The following DNER variants were observed in gnomAD, a reference collection of about 807,000 sequenced individuals.
DNER encodes the protein delta/notch like EGF repeat containing, also known as delta and Notch-like epidermal growth factor-related receptor.
Under a neutral mutation model 78.2 loss-of-function variants are expected in DNER, and 33 were observed. The observed-to-expected ratio is 0.42, with a 90% CI of 0.32 to 0.56. The LOEUF is 0.56. Among genes scored for constraint, DNER ranks in the 20% least tolerant of loss-of-function variants. The pLI is 0.11. For missense variants in DNER, 918 were observed against 975.3 expected (o/e 0.94, Z 0.78); for synonymous variants, 417 against 384.8 (o/e 1.08, Z -0.98).
chr2:229,630,487 A>G (rs1387792218), intron 1 of DNER, among the ~76,000 whole-genome samples: 3 of 136,230 alleles, frequency 2.2e-5, no homozygotes, highest in Non-Finnish European at 4.8e-5. Context: ...CAAAATAATA[A>G]TAATAATAAT....
At chr2:229,451,195 A>G (rs1238151079) in intron 7 of DNER, among the ~76,000 whole-genome samples, 2 of 152,262 alleles carry the variant, frequency 1.3e-5, no homozygotes. Context: ...GTGATGGCTC[A>G]TGCCTATAAT....
At chr2:229,462,125 C>T (rs566813605) in intron 7 of DNER, among the ~76,000 whole-genome samples, 2 of 152,038 alleles carry the variant, frequency 1.3e-5, no homozygotes, top group Non-Finnish European at 2.9e-5. Context: ...AACATTACTG[C>T]TGAATTATTT....
At chr2:229,631,876 T>C (rs1034028252) in intron 1 of DNER, among the ~76,000 whole-genome samples, 5 of 152,210 alleles carry the variant, frequency 3.3e-5, no homozygotes, top group African/African-American at 7.2e-5. Context: ...AGGGTTGTCT[T>C]AAGAATTAAA....
At chr2:229,581,246 C>T (rs576361757) in intron 4 of DNER, among the ~76,000 whole-genome samples, 5 of 152,196 alleles carry the variant, frequency 3.3e-5, no homozygotes, top group South Asian at 2.1e-4. Flanking sequence ...TTTAAAGATA[C>T]ATATATATCC....
At chr2:229,700,631 G>A (rs547258850) in intron 1 of DNER, among the ~76,000 whole-genome samples, 1 of 152,094 alleles carries the variant, frequency 6.6e-6, no homozygotes, top group South Asian at 2.1e-4. Context: ...TTAAGATATG[G>A]TGGCCAGGCA....
chr2:229,681,858 A>ACACG (rs1288548530), intron 1 of DNER, among the ~76,000 whole-genome samples: 1 of 151,664 alleles, frequency 6.6e-6, no homozygotes, highest in African/African-American at 2.4e-5. Flanking sequence ...ACACACACAC[A>ACACG]CACACACAAA....
chr2:229,455,964 C>G (rs138761693), intron 7 of DNER, among the ~76,000 whole-genome samples: 138 of 152,206 alleles, frequency 9.1e-4, no homozygotes, highest in Admixed American at 1.4e-3. Context: ...GATTCAGGTC[C>G]AAGCTCCTAA....
intron 1 of DNER, among the ~76,000 whole-genome samples, chr2:229,699,114 T>C (rs1052557080): frequency 6.6e-6 from 1 of 152,180 alleles, no homozygotes. Flanking sequence ...TCAAAAACTT[T>C]TAAGAAATAC....
At chr2:229,578,897 C>T (rs189040757) in intron 4 of DNER, among the ~76,000 whole-genome samples, 2 of 151,992 alleles carry the variant, frequency 1.3e-5, no homozygotes, top group Admixed American at 6.5e-5. Flanking sequence ...CCCTCTTTTT[C>T]GTTTGAAAGA....
Position 229,361,429 on chromosome 2 carries a change from A to G in DNER, c.2103-2778T>C, listed in dbSNP as rs140895896. 5.0e-4 allele frequency among the ~76,000 whole-genome samples: 76 copies of G among 152,356 alleles called. No homozygotes were observed. The East Asian group carries it at 0.014, about 28-fold the overall frequency. On this transcript the variant is annotated intron_variant, in intron 12 of 12. Transcript: ENST00000341772. ...TTAGCAAACTATAGTCCACAGGCCAATTCCAGCCTGATGCCTGTTTTTCAA... is the reference window on the plus strand; with the variant it reads ...TTAGCAAACTATAGTCCACAGGCCAGTTCCAGCCTGATGCCTGTTTTTCAA...
In DNER at chr2:229,454,806, T is replaced by C. The variant is rs188130767; in HGVS notation, c.1262-7266A>G. On this transcript the variant is annotated intron_variant, in intron 7 of 12. Transcript: ENST00000341772. ...GAGAATGGAACTAATACTTAATATT[T>C]TCAGAGTCTGCTAGCATATCTCAGT... 2.0e-4 allele frequency among the ~76,000 whole-genome samples: 31 copies of C among 152,270 alleles called. 1 individual carries two copies. In the East Asian group the frequency reaches 6.0e-3, roughly 29 times the overall value.
At chr2:229,694,642 T>G (rs1214417056) in intron 1 of DNER, among the ~76,000 whole-genome samples, 1 of 152,232 alleles carries the variant, frequency 6.6e-6, no homozygotes, top group Non-Finnish European at 1.5e-5. Flanking sequence ...ATTTTAGACT[T>G]GGATGGGACT....
chr2:229,497,996 G>GTCAATTA (rs57517611), intron 6 of DNER, among the ~76,000 whole-genome samples: 11 of 150,996 alleles, frequency 7.3e-5, no homozygotes, highest in Admixed American at 7.2e-4. Context: ...AAAACTACAG[G>GTCAATTA]TCCCTGATGA....
chr2:229,477,158 T>A lies in DNER; in HGVS notation c.1243A>T (p.Thr415Ser), dbSNP rs200817648. Residue 415 changes from threonine to serine, a missense_variant, in exon 7 of 13, where the codon ACC becomes TCC. Transcript: ENST00000341772. Reference sequence around the variant, plus strand: ...TAATTACCTTCTGGACACTGGCAGGTGAATCCACTGAGACTGGAAATGCAT... The same window carrying A: ...TAATTACCTTCTGGACACTGGCAGGAGAATCCACTGAGACTGGAAATGCAT... ...ATCISSLSGF[T>S]CQCPEGYFGS... 1 of 1,612,354 alleles carries A rather than the reference T, an allele frequency of 6.2e-7. No homozygotes were observed. Among genetic ancestry groups the A allele is most frequent in the African/African-American group, 1.3e-5 (1 of 74,882 alleles).
chr2:229,530,509 G>T (rs1696282466), intron 5 of DNER, among the ~76,000 whole-genome samples: 1 of 152,216 alleles, frequency 6.6e-6, no homozygotes. Context: ...CAAATTTTCT[G>T]CCCAGAAATT....
intron 1 of DNER, among the ~76,000 whole-genome samples, chr2:229,633,839 T>G (rs1698481237): frequency 6.6e-6 from 1 of 152,340 alleles, no homozygotes; most frequent in South Asian, 2.1e-4. Flanking sequence ...GAGCAGCGTC[T>G]CTGGGCAAGG....
chr2:229,444,532 T>C (rs1292415337), intron 8 of DNER, among the ~76,000 whole-genome samples: 1 of 152,220 alleles, frequency 6.6e-6, no homozygotes, highest in Non-Finnish European at 1.5e-5. Flanking sequence ...TTTGGTATTA[T>C]TAAAAAACAC....
intron 5 of DNER, among the ~76,000 whole-genome samples, chr2:229,537,576 T>C (rs1349218516): frequency 6.6e-6 from 1 of 152,172 alleles, no homozygotes; most frequent in Non-Finnish European, 1.5e-5. Context: ...CTCTAAATTC[T>C]CTGACCCTGA....
intron 1 of DNER, among the ~76,000 whole-genome samples, chr2:229,605,160 G>A (rs754256448): frequency 6.6e-6 from 1 of 152,162 alleles, no homozygotes; most frequent in Non-Finnish European, 1.5e-5. Flanking sequence ...GGCTGAAAGT[G>A]GAAGAGGTCA....
Sources: gnomAD v4.1 joint callset for allele counts (sites outside exome capture counted in the v4.1 genomes callset) on GRCh38, gnomAD v4.1.1 for gene constraint, MANE v1.5 for transcripts, NCBI Gene and HGNC (gene_info 2026-07-23, HGNC 2026-07-21) for gene names.